GLI2: variants seen among roughly 807,000 people sequenced by gnomAD.
The protein encoded by GLI2 is transcription activator GLI2.
Under a neutral mutation model 78.9 loss-of-function variants are expected in GLI2, and 22 were observed. The ratio of observed to expected loss-of-function variants is 0.28; its 90% CI spans 0.20 to 0.40. The LOEUF is 0.40. GLI2 is among the 10% of genes least tolerant of loss of function. The pLI, the probability that GLI2 is intolerant of heterozygous loss-of-function variation, is 1.00. For synonymous variants in GLI2, 974 were observed against 963.7 expected (o/e 1.01, Z -0.20); for missense variants, 2,097 against 2,213.2 (o/e 0.95, Z 1.05).
In GLI2 at chr2:120,942,695, G is replaced by A. The variant is rs146312827; in HGVS notation, c.255-8548G>A. On this transcript the variant is annotated intron_variant, in intron 3 of 13. Coordinates refer to ENST00000361492, the MANE Select transcript of GLI2 (RefSeq NM_001374353.1). ...TCACTGTCGTAACTGTTCAGAGACG[G>A]CACATACGTGCTCCCAGGCAGGAGT... is the stretch of plus-strand genomic sequence containing the variant. Among the ~76,000 whole-genome samples the A allele has an allele frequency of 3.2e-3, 489 of 152,318 alleles. 2 individuals carry two copies. Among genetic ancestry groups the A allele is most frequent in the African/African-American group, 0.011 (461 of 41,560 alleles).
chr2:120,845,327 G>A (rs375868028), intron 2 of GLI2, among the ~76,000 whole-genome samples: 2 of 152,174 alleles, frequency 1.3e-5, no homozygotes, highest in African/African-American at 2.4e-5. Context: ...TGCAAACAGC[G>A]CTAGGGCTTC....
At chr2:120,901,916 G>A (rs1209669445) in intron 2 of GLI2, among the ~76,000 whole-genome samples, 1 of 152,092 alleles carries the variant, frequency 6.6e-6, no homozygotes, top group African/African-American at 2.4e-5. Context: ...ACATATACTT[G>A]TAATTTTTTA....
chr2:120,947,749 C>T (rs56111429), intron 3 of GLI2, among the ~76,000 whole-genome samples: 15,420 of 152,282 alleles, frequency 0.1, 2,500 homozygotes, highest in African/African-American at 0.35. Context: ...GCTACACAGC[C>T]AAGCGGGAAG....
intron 2 of GLI2, among the ~76,000 whole-genome samples, chr2:120,809,982 G>C (rs530799964): frequency 1.6e-4 from 25 of 152,300 alleles, no homozygotes; most frequent in Non-Finnish European, 3.2e-4. Context: ...GGCAGGTGCT[G>C]AGAGAGATGC....
intron 7 of GLI2, among the ~76,000 whole-genome samples, chr2:120,970,944 G>C (rs555415780): frequency 1.3e-5 from 2 of 152,322 alleles, no homozygotes; most frequent in South Asian, 2.1e-4. Context: ...GTGCAGTTTC[G>C]TTGTAGAATG....
intron 1 of GLI2, among the ~76,000 whole-genome samples, chr2:120,771,737 C>A (rs1341345667): frequency 6.6e-6 from 1 of 152,218 alleles, no homozygotes; most frequent in African/African-American, 2.4e-5. Context: ...CATTCAGATG[C>A]TCAGCCAAGC....
intron 3 of GLI2, among the ~76,000 whole-genome samples, chr2:120,936,079 C>G (rs1048088490): frequency 2.0e-5 from 3 of 152,160 alleles, no homozygotes; most frequent in Non-Finnish European, 4.4e-5. Context: ...GGGGTCCCCA[C>G]TGTCGGACAT....
At chr2:120,762,321 G>A (rs1558784044) in intron 1 of GLI2, among the ~76,000 whole-genome samples, 2 of 152,146 alleles carry the variant, frequency 1.3e-5, no homozygotes. Context: ...TTGCATGGTG[G>A]TTCCTGCTGG....
intron 4 of GLI2, 45 bp from the exon 5 acceptor site, chr2:120,955,200 C>T: frequency 1.2e-6 from 1 of 856,768 alleles, no homozygotes; most frequent in Non-Finnish European, 1.9e-6. Flanking sequence ...AAGGCACAGC[C>T]AGTGCCAGGT....
At chr2:120,954,265 G>A (rs1305898193) in intron 4 of GLI2, among the ~76,000 whole-genome samples, 1 of 152,198 alleles carries the variant, frequency 6.6e-6, no homozygotes, top group Non-Finnish European at 1.5e-5. Context: ...GGACAAATGG[G>A]ATCTCCACGG....
intron 2 of GLI2, among the ~76,000 whole-genome samples, chr2:120,918,438 CTTTTTTTTT>C (rs563960856): frequency 7.9e-6 from 1 of 127,058 alleles, no homozygotes; most frequent in South Asian, 2.6e-4. Context: ...CATAAATATT[CTTTTTTTTT>C]TTTTTTTTTT....
At position 120,990,784 on chromosome 2, in the gene GLI2, G is replaced by A; in HGVS notation, c.*109G>A. ...CAAAAAAGTGTTAAATAGGCTTGAG[G>A]GGTTGTTGCGCAATGGCCGCTTCAG... On this transcript the variant is annotated 3_prime_UTR_variant, in exon 14 of 14. Transcript: ENST00000361492. 1.1e-6 allele frequency: 1 copy of A among 876,420 alleles called. No homozygotes were observed. The highest frequency in any genetic ancestry group is 1.7e-6 in the Non-Finnish European group (1 of 572,372). The allele number at this position is 876,420 out of a possible 1,614,324, so 54.3% of individuals were successfully genotyped here. A position where few individuals can be genotyped will look rare whatever the true frequency, so the allele number is the denominator to read the frequency against.
At chr2:120,978,376 GGGT>G (rs1343352407) in intron 9 of GLI2, 55 bp from the exon 10 acceptor site, 2 of 1,604,862 alleles carry the variant, frequency 1.2e-6, no homozygotes, top group Admixed American at 3.3e-5. Context: ...TGACAGCAGG[GGGT>G]GGTCTGTGGG....
intron 2 of GLI2, among the ~76,000 whole-genome samples, chr2:120,926,879 G>A (rs1369594225): frequency 6.6e-6 from 1 of 152,248 alleles, no homozygotes; most frequent in Non-Finnish European, 1.5e-5. Context: ...GCCTTCCTGA[G>A]GCTGGCGGCA....
At chr2:120,811,447 T>C (rs1168799930) in intron 2 of GLI2, among the ~76,000 whole-genome samples, 4 of 152,062 alleles carry the variant, frequency 2.6e-5, no homozygotes, top group Non-Finnish European at 4.4e-5. Flanking sequence ...GGAGAGGAAA[T>C]GCTAGAAAGT....
Position 120,989,222 on chromosome 2 carries a change from G to T in GLI2, c.3257G>T (p.Gly1086Val), listed in dbSNP as rs747750495. The change falls in exon 14 of 14, where the codon GGG becomes GTG. Residue 1086 changes from glycine to valine, a missense_variant. Gly to Val is a moderately radical substitution (Grantham distance 109, BLOSUM62 -3). Around this residue, in one of 5 missense-constraint regions of GLI2, gnomAD observed 1,290 missense variants for 1,261.7 expected, o/e 1.02. Transcript: ENST00000361492. Reference sequence around the variant, plus strand: ...GACAACCCCAGACTACCCAGCCCGGGGCTGCACGGCCAGCGCAGGATGGTG... The same window carrying T: ...GACAACCCCAGACTACCCAGCCCGGTGCTGCACGGCCAGCGCAGGATGGTG... ...FSDNPRLPSP[G>V]LHGQRRMVAA... 6.2e-7 allele frequency: 1 copy of T among 1,613,182 alleles called. No homozygotes were observed. Among genetic ancestry groups the T allele is most frequent in the African/African-American group, 1.3e-5 (1 of 75,056 alleles).
rs748233304 is a variant in GLI2, at chr2:120,990,188, G to A, written c.4223G>A (p.Gly1408Glu). Residue 1408 changes from glycine (G) to glutamate (E), a missense_variant, in exon 14 of 14, where the codon GGG becomes GAG. Coordinates refer to ENST00000361492, the MANE Select transcript of GLI2 (RefSeq NM_001374353.1). ...AVPKGAMGNM[G>E]SVPPQPPPQD... ...CCCAAGGGAGCGATGGGCAACATGG[G>A]GTCGGTGCCTCCCCAGCCGCCTCCG... The A allele has an allele frequency of 6.8e-6, 11 of 1,613,198 alleles. No individual in the cohort carries two copies. The highest frequency in any genetic ancestry group is 1.6e-4 in the Middle Eastern group (1 of 6,062).
At chr2:120,893,525 T>C (rs1303888120) in intron 2 of GLI2, among the ~76,000 whole-genome samples, 3 of 152,062 alleles carry the variant, frequency 2.0e-5, no homozygotes, top group African/African-American at 7.3e-5. Flanking sequence ...AACCAGGAAT[T>C]GTAAGTCTTA....
intron 2 of GLI2, among the ~76,000 whole-genome samples, chr2:120,830,327 C>A (rs983076494): frequency 1.1e-4 from 17 of 152,230 alleles, no homozygotes; most frequent in Non-Finnish European, 2.1e-4. Context: ...TGTGCCCTAG[C>A]CCTGTGGGCA....
Sources: allele counts gnomAD v4.1 joint callset (sites outside exome capture counted in the v4.1 genomes callset), GRCh38; gene constraint gnomAD v4.1.1; regional missense constraint gnomAD v4.1.1; transcripts MANE v1.5; gene names NCBI Gene and HGNC (gene_info 2026-07-23, HGNC 2026-07-21).